The following CLSTN2 variants were observed in gnomAD, a reference collection of about 807,000 sequenced individuals.
CLSTN2 encodes calsyntenin-2.
CLSTN2 carries 48 observed loss-of-function variants against 101.2 expected under a neutral mutation model. The ratio of observed to expected loss-of-function variants is 0.47; its 90% confidence interval spans 0.38 to 0.60. CLSTN2 has a LOEUF of 0.60. Among genes scored for constraint, CLSTN2 ranks in the 20% least tolerant of loss-of-function variants. The pLI is 0.00. For missense variants in CLSTN2, 1,160 were observed against 1,238.2 expected (o/e 0.94, Z 0.95); for synonymous variants, 481 against 463.6 (o/e 1.04, Z -0.48).
chr3:140,421,381 C>A, intron 5 of CLSTN2, 107 bp downstream of exon 5: 1 of 1,294,132 alleles, frequency 7.7e-7, no homozygotes. Flanking sequence ...AAAGTACAGT[C>A]ACTTTGCTGT....
chr3:140,045,942 G>A (rs1183355812), intron 1 of CLSTN2, among the ~76,000 whole-genome samples: 7 of 152,170 alleles, frequency 4.6e-5, no homozygotes, highest in African/African-American at 9.7e-5. Context: ...TTCCAACTAC[G>A]TGGTCAGTTT....
intron 2 of CLSTN2, among the ~76,000 whole-genome samples, chr3:140,356,856 AT>A (rs2087676876): frequency 6.6e-6 from 1 of 152,176 alleles, no homozygotes; most frequent in Non-Finnish European, 1.5e-5. Context: ...GGGAAAGATA[AT>A]TGGAAATTAA....
At chr3:140,486,500 G>A (rs1934244333) in intron 8 of CLSTN2, among the ~76,000 whole-genome samples, 1 of 152,162 alleles carries the variant, frequency 6.6e-6, no homozygotes, top group East Asian at 1.9e-4. Flanking sequence ...TATGTGAAGT[G>A]TTACAATGTT....
chr3:140,271,531 T>G (rs2086741565), intron 2 of CLSTN2, among the ~76,000 whole-genome samples: 3 of 152,146 alleles, frequency 2.0e-5, no homozygotes, highest in Non-Finnish European at 1.5e-5. Flanking sequence ...GCCCATTTCT[T>G]ATAGATGGCA....
At chr3:140,152,150 T>C (rs1012613242) in intron 1 of CLSTN2, among the ~76,000 whole-genome samples, 3 of 152,230 alleles carry the variant, frequency 2.0e-5, no homozygotes, top group African/African-American at 7.2e-5. Context: ...TAATGTATTT[T>C]ATTAATTCAT....
chr3:139,981,223 C>G (rs1443165993), intron 1 of CLSTN2, among the ~76,000 whole-genome samples: 1 of 152,100 alleles, frequency 6.6e-6, no homozygotes, highest in Admixed American at 6.6e-5. Context: ...AATAGTGCAG[C>G]CACCCACCCC....
chr3:140,525,548 G>A (rs183674888), intron 8 of CLSTN2, among the ~76,000 whole-genome samples: 15 of 152,220 alleles, frequency 9.9e-5, no homozygotes, highest in Middle Eastern at 3.4e-3. Context: ...AAAAATTGAA[G>A]AGAAGGAGCT....
intron 2 of CLSTN2, among the ~76,000 whole-genome samples, chr3:140,207,233 ATGTT>A (rs1397814638): frequency 6.6e-6 from 1 of 152,202 alleles, no homozygotes; most frequent in African/African-American, 2.4e-5. Context: ...CGTTCTGAGA[ATGTT>A]TGTATGCTAC....
intron 2 of CLSTN2, among the ~76,000 whole-genome samples, chr3:140,260,018 A>G (rs1484311481): frequency 6.6e-6 from 1 of 151,792 alleles, no homozygotes; most frequent in African/African-American, 2.4e-5. Context: ...TTCTGGTACT[A>G]TGCTCACTAC....
At chr3:139,963,406 C>T (rs1040661645) in intron 1 of CLSTN2, among the ~76,000 whole-genome samples, 16 of 152,068 alleles carry the variant, frequency 1.1e-4, no homozygotes, top group Admixed American at 8.5e-4. Context: ...ACCTCCTTTT[C>T]CTCCTGTATG....
chr3:140,156,427 A>G (rs2009954998), intron 1 of CLSTN2, among the ~76,000 whole-genome samples: 1 of 152,198 alleles, frequency 6.6e-6, no homozygotes, highest in African/African-American at 2.4e-5. Flanking sequence ...GAATTGATGA[A>G]TGGTATTTGC....
intron 8 of CLSTN2, among the ~76,000 whole-genome samples, chr3:140,523,158 C>A (rs1935067356): frequency 6.6e-6 from 1 of 152,134 alleles, no homozygotes; most frequent in Non-Finnish European, 1.5e-5. Context: ...GGGCGTCTAA[C>A]TTCTCGGAGG....
At chr3:140,377,873 C>T (rs1314261425) in intron 2 of CLSTN2, among the ~76,000 whole-genome samples, 1 of 152,174 alleles carries the variant, frequency 6.6e-6, no homozygotes, top group Non-Finnish European at 1.5e-5. Context: ...TATTCACTCA[C>T]CACTCACTCA....
At chr3:140,121,295 T>C (rs1019809860) in intron 1 of CLSTN2, among the ~76,000 whole-genome samples, 17 of 152,240 alleles carry the variant, frequency 1.1e-4, no homozygotes, top group African/African-American at 3.9e-4. Context: ...AACACCCCAA[T>C]TTCCTCTCAC....
At chr3:140,476,613 C>T (rs1263625839) in intron 8 of CLSTN2, among the ~76,000 whole-genome samples, 1 of 150,552 alleles carries the variant, frequency 6.6e-6, no homozygotes, top group African/African-American at 2.4e-5. Context: ...CATCCAGAAA[C>T]AGATTTCAAG....
intron 9 of CLSTN2, among the ~76,000 whole-genome samples, chr3:140,532,878 A>G (rs1010670946): frequency 3.3e-5 from 5 of 152,146 alleles, no homozygotes; most frequent in African/African-American, 1.2e-4. Context: ...ATCTCCCTTT[A>G]TCCCCACACA....
At chr3:140,539,488 G>A (rs1232608951) in intron 9 of CLSTN2, among the ~76,000 whole-genome samples, 13 of 152,122 alleles carry the variant, frequency 8.5e-5, no homozygotes, top group Non-Finnish European at 2.9e-5. Context: ...CAATTTTGAA[G>A]ATGTTATTAA....
chr3:140,417,266 T>C (rs12152257), intron 4 of CLSTN2, among the ~76,000 whole-genome samples: 18,504 of 152,188 alleles, frequency 0.12, 1,338 homozygotes, highest in African/African-American at 0.2. Context: ...CAATCCATCT[T>C]ATGCATAGAC....
chr3:140,097,685 T>A (rs769663098), intron 1 of CLSTN2, among the ~76,000 whole-genome samples: 2 of 152,188 alleles, frequency 1.3e-5, no homozygotes, highest in Non-Finnish European at 2.9e-5. Context: ...TCAACTAGCG[T>A]CAATTGCAGT....
Sources: allele counts gnomAD v4.1 joint callset (sites outside exome capture counted in the v4.1 genomes callset), GRCh38; gene constraint gnomAD v4.1.1; transcripts MANE v1.5; gene names NCBI Gene and HGNC (gene_info 2026-07-23, HGNC 2026-07-21).